TNRC6A: variants seen among roughly 807,000 people sequenced by gnomAD.
The protein encoded by TNRC6A is trinucleotide repeat-containing gene 6A protein.
Under a neutral mutation model 221.2 loss-of-function variants are expected in TNRC6A, and 44 were observed. The ratio of observed to expected loss-of-function variants is 0.20; its 90% confidence interval spans 0.16 to 0.26. The LOEUF (loss-of-function observed/expected upper bound fraction) is 0.26. Ranked by LOEUF, TNRC6A falls within the 10% of genes least tolerant of loss-of-function variation. TNRC6A has a pLI of 1.00. For missense variants in TNRC6A, 2,199 were observed against 2,404.4 expected (o/e 0.91, Z 1.79); for synonymous variants, 847 against 838.5 (o/e 1.01, Z -0.18).
chr16:24,685,962 T>G (rs773047819), intron 2 of TNRC6A, among the ~76,000 whole-genome samples: 21 of 152,256 alleles, frequency 1.4e-4, no homozygotes, highest in Non-Finnish European at 3.1e-4. Flanking sequence ...TGGGTTGGCA[T>G]GACCCCTAGA....
intron 17 of TNRC6A, among the ~76,000 whole-genome samples, chr16:24,808,590 A>T (rs2058481662): frequency 6.6e-6 from 1 of 152,256 alleles, no homozygotes; most frequent in African/African-American, 2.4e-5. Context: ...TAGCAAATTT[A>T]ATTGCTCTCT....
At chr16:24,818,143 G>T (rs113440010) in intron 20 of TNRC6A, among the ~76,000 whole-genome samples, 1 of 152,162 alleles carries the variant, frequency 6.6e-6, no homozygotes, top group African/African-American at 2.4e-5. Context: ...TGAATATATC[G>T]CGTAATGGAG....
chr16:24,670,005 A>G (rs976713119), intron 2 of TNRC6A, among the ~76,000 whole-genome samples: 15 of 119,438 alleles, frequency 1.3e-4, no homozygotes, highest in Non-Finnish European at 1.6e-5. Flanking sequence ...GCTGGAGTGC[A>G]ATGGCGTGAT....
At chr16:24,744,448 A>G (rs747218542) in intron 2 of TNRC6A, among the ~76,000 whole-genome samples, 1 of 152,172 alleles carries the variant, frequency 6.6e-6, no homozygotes, top group East Asian at 1.9e-4. Flanking sequence ...TTCTTCTTAC[A>G]TTAGTTGATA....
intron 1 of TNRC6A, among the ~76,000 whole-genome samples, chr16:24,611,476 A>G (rs1900053163): frequency 1.3e-5 from 2 of 152,112 alleles, no homozygotes; most frequent in African/African-American, 4.8e-5. Flanking sequence ...TAGGAGGCAC[A>G]GTTACAGCAG....
intron 23 of TNRC6A, among the ~76,000 whole-genome samples, 167 bp from the exon 24 acceptor site, chr16:24,822,707 A>G (rs562161126): frequency 2.4e-4 from 37 of 152,196 alleles, no homozygotes; most frequent in African/African-American, 8.9e-4. Flanking sequence ...GGAGGTGGGG[A>G]AGATGGCTCT....
intron 21 of TNRC6A, among the ~76,000 whole-genome samples, chr16:24,819,269 T>C (rs977877383): frequency 1.3e-5 from 2 of 152,204 alleles, no homozygotes; most frequent in Non-Finnish European, 2.9e-5. Context: ...AAAGAGTTGA[T>C]AGTGATGGAA....
At chr16:24,675,700 CTCTATATA>C (rs1303592234) in intron 2 of TNRC6A, among the ~76,000 whole-genome samples, 212 of 54,848 alleles carry the variant, frequency 3.9e-3, no homozygotes, top group Non-Finnish European at 4.8e-3. Context: ...CTCTCTCTCT[CTCTATATA>C]TATATATATA....
intron 2 of TNRC6A, among the ~76,000 whole-genome samples, chr16:24,648,446 A>AT (rs1364505155): frequency 6.6e-6 from 1 of 151,624 alleles, no homozygotes; most frequent in Non-Finnish European, 1.5e-5. Flanking sequence ...AATTTTTTGT[A>AT]TTTTTAGTAG....
chr16:24,815,092 G>T, intron 18 of TNRC6A, 55 bp from the exon 19 acceptor site: 1 of 1,581,626 alleles, frequency 6.3e-7, no homozygotes, highest in Admixed American at 1.8e-5. Flanking sequence ...AAAGCTATAA[G>T]AAATAAATCT....
At chr16:24,699,752 T>C (rs1033225804) in intron 2 of TNRC6A, among the ~76,000 whole-genome samples, 1 of 135,472 alleles carries the variant, frequency 7.4e-6, no homozygotes, top group South Asian at 2.3e-4. Flanking sequence ...TCTGAGAAAA[T>C]AACAAATACA....
intron 1 of TNRC6A, among the ~76,000 whole-genome samples, chr16:24,637,298 G>T (rs1288739461): frequency 2.6e-5 from 4 of 152,184 alleles, no homozygotes; most frequent in African/African-American, 9.6e-5. Context: ...CTCCCAAAGT[G>T]CTGGGATTAC....
chr16:24,615,355 C>A (rs1391852701), intron 1 of TNRC6A, among the ~76,000 whole-genome samples: 2 of 152,050 alleles, frequency 1.3e-5, no homozygotes. Context: ...CGTGAGACAT[C>A]CAGAAAGATA....
intron 2 of TNRC6A, among the ~76,000 whole-genome samples, chr16:24,732,152 A>C (rs544297104): frequency 2.0e-5 from 3 of 152,364 alleles, no homozygotes; most frequent in African/African-American, 7.2e-5. Context: ...TAAGGATCCA[A>C]TGAGAGGGGA....
intron 4 of TNRC6A, chr16:24,776,398 C>G: frequency 1.0e-6 from 1 of 985,390 alleles, no homozygotes; most frequent in Non-Finnish European, 1.2e-6. Context: ...ACATTTTTAG[C>G]AAATACAGAC....
Position 24,777,284 on chromosome 16 carries a change from A to G in TNRC6A, c.515A>G (p.Gln172Arg). ...LGSAVKVLNS[Q>R]SESSALTNQQ... ...TCTGCTGTTAAGGTGTTAAACAGCC[A>G]GTCAGAAAGCAGTGCTTTAACAAAT... The change falls in exon 5 of 25, where the codon CAG becomes CGG. Residue 172 changes from glutamine to arginine, a missense_variant. Around this residue, in one of 8 missense-constraint regions of TNRC6A, gnomAD observed 1,405 missense variants for 1,400.2 expected, o/e 1.00. Coordinates refer to ENST00000395799, the MANE Select transcript of TNRC6A (RefSeq NM_014494.4). The G allele has an allele frequency of 6.2e-7, 1 of 1,614,218 alleles. No homozygotes were observed. Among genetic ancestry groups the G allele is most frequent in the Non-Finnish European group, 8.5e-7 (1 of 1,180,038 alleles).
chr16:24,758,415 A>G (rs1414310938), intron 4 of TNRC6A, 55 bp downstream of exon 4: 1 of 1,579,242 alleles, frequency 6.3e-7, no homozygotes, highest in Non-Finnish European at 8.7e-7. Context: ...AAGGTTGTTT[A>G]TGTGCATTTT....
At position 24,823,917 on chromosome 16, in the gene TNRC6A, G is replaced by A; in HGVS notation, c.*110G>A. The A allele has an allele frequency of 8.7e-7, 1 of 1,154,076 alleles. No individual in the cohort carries two copies. The allele number at this position is 1,154,076 out of a possible 1,614,324, so 71.5% of individuals were successfully genotyped here. ...CCGCCTGTGGGAACAGCTATTCTCT[G>A]CACATTTTCCACTTTGTTTTCCCCA... On this transcript the variant is annotated 3_prime_UTR_variant, in exon 25 of 25. Coordinates refer to ENST00000395799, the MANE Select transcript of TNRC6A (RefSeq NM_014494.4). This position sits in a 1 kb window ranked among gnomAD's most constrained non-coding sequence, Gnocchi z 4.3.
At chr16:24,794,224 T>A (rs111770226) in intron 7 of TNRC6A, among the ~76,000 whole-genome samples, 12 of 152,384 alleles carry the variant, frequency 7.9e-5, no homozygotes, top group African/African-American at 2.9e-4. Flanking sequence ...TTCATTCATC[T>A]TCTTTGTCCT....
Sources: gnomAD v4.1 joint callset for allele counts (sites outside exome capture counted in the v4.1 genomes callset) on GRCh38, gnomAD v4.1.1 for gene constraint, gnomAD v4.1.1 regional missense constraint, Gnocchi (gnomAD v3.1) non-coding constraint, MANE v1.5 for transcripts, NCBI Gene and HGNC (gene_info 2026-07-23, HGNC 2026-07-21) for gene names.